The following MAF variants were observed in gnomAD, a reference collection of about 807,000 sequenced individuals.
MAF encodes transcription factor Maf.
A neutral mutation model predicts 22.0 loss-of-function variants in MAF; 10 were observed. That is an observed-to-expected ratio of 0.45 (90% confidence interval 0.28 to 0.77). The LOEUF (loss-of-function observed/expected upper bound fraction) is 0.77, where lower values mean the gene tolerates loss of function less well. Among genes scored for constraint, MAF ranks in the 30% least tolerant of loss-of-function variants. The pLI, the probability that MAF is intolerant of heterozygous loss-of-function variation, is 0.12. For synonymous variants in MAF, 337 were observed against 255.8 expected (o/e 1.32, Z -3.03); for missense variants, 544 against 548.4 (o/e 0.99, Z 0.08).
the MAF span, among the ~76,000 whole-genome samples, chr16:79,552,226 T>A: frequency 6.6e-6 from 1 of 152,064 alleles, no homozygotes; most frequent in Non-Finnish European, 1.5e-5. Context: ...TCTTCTTTTT[T>A]TTTTTCAGTC....
At chr16:79,426,060 G>T in the MAF span, among the ~76,000 whole-genome samples, 7 of 152,134 alleles carry the variant, frequency 4.6e-5, no homozygotes, top group East Asian at 1.4e-3. Context: ...CAAAAAATTA[G>T]CTGGGCATGG....
the MAF span, among the ~76,000 whole-genome samples, chr16:79,260,972 G>A: frequency 6.6e-6 from 1 of 152,118 alleles, no homozygotes; most frequent in Non-Finnish European, 1.5e-5. Flanking sequence ...ACCCTGGGGT[G>A]TAGGTCAGGG....
chr16:79,439,001 C>T, the MAF span, among the ~76,000 whole-genome samples: 1 of 152,086 alleles, frequency 6.6e-6, no homozygotes, highest in Non-Finnish European at 1.5e-5. Context: ...AGCTTGACTT[C>T]AGGCCTGTCC....
At chr16:79,284,057 C>G in the MAF span, among the ~76,000 whole-genome samples, 1 of 151,426 alleles carries the variant, frequency 6.6e-6, no homozygotes, top group Non-Finnish European at 1.5e-5. Flanking sequence ...TTACCATGTT[C>G]CTCAACTACA....
At chr16:79,589,229 G>T (rs1451938769), downstream of MAF, among the ~76,000 whole-genome samples, 3 of 152,162 alleles carry the variant, frequency 2.0e-5, no homozygotes, top group Admixed American at 2.0e-4. Flanking sequence ...CTGTCCTCTT[G>T]AGACAGTTCC....
downstream of MAF, among the ~76,000 whole-genome samples, chr16:79,583,766 G>C (rs1320030263): frequency 2.0e-5 from 3 of 151,918 alleles, no homozygotes; most frequent in Non-Finnish European, 2.9e-5. Flanking sequence ...TTTAGCGCGA[G>C]GTTAAAACAT....
chr16:79,362,741 C>T, the MAF span, among the ~76,000 whole-genome samples: 1 of 152,286 alleles, frequency 6.6e-6, no homozygotes, highest in South Asian at 2.1e-4. Context: ...GAAAGTGAAA[C>T]TCCAAGTTGC....
chr16:79,255,403 C>G, the MAF span, among the ~76,000 whole-genome samples: 1 of 152,192 alleles, frequency 6.6e-6, no homozygotes, highest in Non-Finnish European at 1.5e-5. Flanking sequence ...CCTCCTGTGT[C>G]AAGTGACAGG....
At chr16:79,562,607 C>T in the MAF span, among the ~76,000 whole-genome samples, 1 of 152,164 alleles carries the variant, frequency 6.6e-6, no homozygotes, top group African/African-American at 2.4e-5. Flanking sequence ...GAACACAGAC[C>T]TAAGAACACA....
At chr16:79,364,603 T>C in the MAF span, among the ~76,000 whole-genome samples, 3 of 152,152 alleles carry the variant, frequency 2.0e-5, no homozygotes, top group Non-Finnish European at 2.9e-5. Flanking sequence ...CAACTACAAA[T>C]CATGTAGCAA....
the MAF span, among the ~76,000 whole-genome samples, chr16:79,208,093 T>G: frequency 6.6e-6 from 1 of 152,230 alleles, no homozygotes; most frequent in Non-Finnish European, 1.5e-5. Flanking sequence ...GAATGATGAA[T>G]CCTTATTACC....
the MAF span, among the ~76,000 whole-genome samples, chr16:79,418,575 A>T: frequency 6.6e-6 from 1 of 152,148 alleles, no homozygotes; most frequent in Non-Finnish European, 1.5e-5. Flanking sequence ...AACAGGATAG[A>T]TGGGGAAGGG....
the MAF span, among the ~76,000 whole-genome samples, chr16:79,360,019 A>G: frequency 6.6e-6 from 1 of 152,098 alleles, no homozygotes; most frequent in Non-Finnish European, 1.5e-5. Flanking sequence ...AAGAACCTGG[A>G]GCAATTGGGG....
chr16:79,475,891 T>C, the MAF span, among the ~76,000 whole-genome samples: 1 of 152,152 alleles, frequency 6.6e-6, no homozygotes, highest in African/African-American at 2.4e-5. Flanking sequence ...CTCTTTCCCT[T>C]GAGTGGGGTC....
At chr16:79,513,838 C>T in the MAF span, among the ~76,000 whole-genome samples, 1 of 152,112 alleles carries the variant, frequency 6.6e-6, no homozygotes, top group African/African-American at 2.4e-5. Context: ...CTGTCTTTTC[C>T]ACCGGGTAGG....
chr16:79,452,616 A>G, the MAF span, among the ~76,000 whole-genome samples: 1 of 152,190 alleles, frequency 6.6e-6, no homozygotes, highest in Non-Finnish European at 1.5e-5. Context: ...AATGTGGCAG[A>G]CACAGATAAT....
the MAF span, among the ~76,000 whole-genome samples, chr16:79,323,285 G>T: frequency 2.6e-5 from 4 of 151,574 alleles, no homozygotes; most frequent in Non-Finnish European, 5.9e-5. Context: ...AGGCTGCAGG[G>T]AGCCCAGTTA....
the MAF span, among the ~76,000 whole-genome samples, chr16:79,567,276 C>G: frequency 6.6e-6 from 1 of 152,026 alleles, no homozygotes; most frequent in Admixed American, 6.5e-5. Flanking sequence ...CAAGATCGTG[C>G]CATTGCACTG....
At chr16:79,437,100 C>G in the MAF span, among the ~76,000 whole-genome samples, 1 of 152,066 alleles carries the variant, frequency 6.6e-6, no homozygotes, top group Admixed American at 6.5e-5. Context: ...TGCCCACTCT[C>G]AAGGCATGTG....
Sources: gnomAD v4.1 joint callset for allele counts (sites outside exome capture counted in the v4.1 genomes callset) on GRCh38, gnomAD v4.1.1 for gene constraint, MANE v1.5 for transcripts, NCBI Gene and HGNC (gene_info 2026-07-23, HGNC 2026-07-21) for gene names.